WDR70: variants seen among roughly 807,000 people sequenced by gnomAD.
The protein encoded by WDR70 is WD repeat-containing protein 70.
Under a neutral mutation model 88.6 loss-of-function variants are expected in WDR70, and 53 were observed. That is an observed-to-expected ratio of 0.60 (90% CI 0.48 to 0.75). The LOEUF is 0.75. Ranked by LOEUF, WDR70 falls within the 30% of genes least tolerant of loss-of-function variation. WDR70 has a pLI of 0.00. For synonymous variants in WDR70, 280 were observed against 270.0 expected (o/e 1.04, Z -0.36); for missense variants, 610 against 823.2 (o/e 0.74, Z 3.17).
intron 7 of WDR70, among the ~76,000 whole-genome samples, chr5:37,466,777 G>C (rs1561863012): frequency 1.3e-5 from 2 of 149,182 alleles, no homozygotes. Flanking sequence ...TCAAATACTT[G>C]ATGGATACAT....
intron 10 of WDR70, among the ~76,000 whole-genome samples, chr5:37,629,229 A>G (rs991325485): frequency 2.0e-5 from 3 of 152,122 alleles, no homozygotes; most frequent in Admixed American, 2.0e-4. Context: ...TTTACTTATT[A>G]CAATTTGACT....
At chr5:37,668,724 A>G (rs1338772098) in intron 10 of WDR70, among the ~76,000 whole-genome samples, 3 of 152,234 alleles carry the variant, frequency 2.0e-5, no homozygotes, top group African/African-American at 7.2e-5. Flanking sequence ...TGCAGCTTCC[A>G]GCTGGTCATC....
chr5:37,393,317 GGT>G (rs774442742), intron 4 of WDR70, among the ~76,000 whole-genome samples: 12 of 152,198 alleles, frequency 7.9e-5, no homozygotes, highest in Non-Finnish European at 1.2e-4. Context: ...TGGGATTACA[GGT>G]GTGAGTCACC....
At chr5:37,530,773 G>GTTTTTTTTTTTTTTTTTTTTTTTTT (rs57043165) in intron 9 of WDR70, among the ~76,000 whole-genome samples, 1 of 127,948 alleles carries the variant, frequency 7.8e-6, no homozygotes, top group Non-Finnish European at 1.7e-5. Flanking sequence ...TTTATCTTTT[G>GTTTTTTTTTTTTTTTTTTTTTTTTT]TTTTTTTTTT....
chr5:37,381,699 A>G lies in WDR70; in HGVS notation c.175+14A>G. The G allele has an allele frequency of 6.2e-7, 1 of 1,606,250 alleles. No homozygotes were observed. The highest frequency in any genetic ancestry group is 8.5e-7 in the Non-Finnish European group (1 of 1,174,526). On this transcript the variant is annotated intron_variant, in intron 3 of 17. Transcript: ENST00000265107. ...GCAAAACACTGGGTAAGAAGCTCAG[A>G]TATTTGTTCTTTTATTGGTTTAAGT...
chr5:37,621,814 C>T (rs1744512391), intron 10 of WDR70, among the ~76,000 whole-genome samples: 1 of 152,144 alleles, frequency 6.6e-6, no homozygotes, highest in Non-Finnish European at 1.5e-5. Flanking sequence ...ATGCCTATGT[C>T]CTGAATGGTA....
chr5:37,686,896 A>G (rs963363487), intron 10 of WDR70, among the ~76,000 whole-genome samples: 1 of 150,496 alleles, frequency 6.6e-6, no homozygotes, highest in Non-Finnish European at 1.5e-5. Context: ...TAAGAGGCCT[A>G]CGAGATTGTG....
chr5:37,722,704 C>A, intron 14 of WDR70, 151 bp from the exon 15 acceptor site: 1 of 654,234 alleles, frequency 1.5e-6, no homozygotes. Context: ...TCACTGAGAG[C>A]CCATCTGTTG....
At chr5:37,425,994 TTTG>T (rs1750110825) in intron 5 of WDR70, among the ~76,000 whole-genome samples, 1 of 152,176 alleles carries the variant, frequency 6.6e-6, no homozygotes, top group African/African-American at 2.4e-5. Context: ...GAAATATAGG[TTTG>T]TTGTTGAGAG....
chr5:37,469,361 C>CCTCCTA (rs1291855948), intron 7 of WDR70, among the ~76,000 whole-genome samples: 1 of 152,128 alleles, frequency 6.6e-6, no homozygotes, highest in Non-Finnish European at 1.5e-5. Context: ...TTAACTGTGG[C>CCTCCTA]CTCCTACACT....
chr5:37,714,508 T>A (rs1397184207), intron 13 of WDR70, among the ~76,000 whole-genome samples: 1 of 122,196 alleles, frequency 8.2e-6, no homozygotes, highest in Non-Finnish European at 1.9e-5. Flanking sequence ...ATAAGGCTCC[T>A]CTTCTCTAGA....
chr5:37,733,810 T>G (rs1463451261), intron 17 of WDR70, among the ~76,000 whole-genome samples: 1 of 152,034 alleles, frequency 6.6e-6, no homozygotes, highest in African/African-American at 2.4e-5. Flanking sequence ...GAGTTGTCTT[T>G]CTAGTCAACA....
chr5:37,702,848 T>G, intron 12 of WDR70, 101 bp from the exon 13 acceptor site: 3 of 1,226,854 alleles, frequency 2.4e-6, no homozygotes, highest in Non-Finnish European at 3.4e-6. Context: ...AAGCCCTATA[T>G]AGGAGTTACA....
At chr5:37,429,994 A>G (rs1750252939) in intron 5 of WDR70, among the ~76,000 whole-genome samples, 2 of 152,112 alleles carry the variant, frequency 1.3e-5, no homozygotes, top group African/African-American at 2.4e-5. Context: ...ATATCTTTCC[A>G]TTTATTTTAA....
chr5:37,561,307 G>A (rs1453912439), intron 9 of WDR70, among the ~76,000 whole-genome samples: 1 of 152,086 alleles, frequency 6.6e-6, no homozygotes, highest in Admixed American at 6.6e-5. Context: ...AAAATGGACC[G>A]ATCTAACTAA....
At chr5:37,388,544 A>G (rs1748702552) in intron 3 of WDR70, among the ~76,000 whole-genome samples, 1 of 148,930 alleles carries the variant, frequency 6.7e-6, no homozygotes, top group Admixed American at 6.7e-5. Flanking sequence ...GTTCGAGACC[A>G]GCCTGGCCAA....
At position 37,536,392 on chromosome 5, in the gene WDR70, T is replaced by C. The variant is rs576851979; in HGVS notation, c.917+19802T>C. On this transcript the variant is annotated intron_variant, in intron 9 of 17. Coordinates refer to ENST00000265107, the MANE Select transcript of WDR70 (RefSeq NM_018034.4). ...ATAACATTATTAAAATAAAGAAATTTTATTCTACAGGTTGAGTAAATGTTA... is the reference window on the plus strand; with the variant it reads ...ATAACATTATTAAAATAAAGAAATTCTATTCTACAGGTTGAGTAAATGTTA... Among the ~76,000 whole-genome samples, 113 of 152,300 alleles carry C rather than the reference T, an allele frequency of 7.4e-4. No homozygotes were observed. The East Asian group carries it at 0.013, about 18-fold the overall frequency.
chr5:37,576,140 C>A (rs1270632406), intron 9 of WDR70, among the ~76,000 whole-genome samples: 3 of 135,144 alleles, frequency 2.2e-5, no homozygotes, highest in Admixed American at 7.4e-5. Flanking sequence ...CTCCTTCCCC[C>A]CTCCCTCCCT....
chr5:37,701,246 AAG>A lies in WDR70; in HGVS notation c.1277+108_1277+109del, dbSNP rs1747153419. The A allele has an allele frequency of 2.2e-5, 16 of 741,472 alleles. No individual in the cohort carries two copies. The South Asian group carries it at 2.3e-4, about 11-fold the overall frequency. 45.9% of individuals were successfully genotyped at this position (741,472 alleles called of 1,614,324 possible). On this transcript the variant is annotated intron_variant, in intron 12 of 17. Transcript: ENST00000265107. ...CATACGTCTTTTAGATCTTCTGGAA[AAG>A]AGACTTGAGAGAGTGATCAAAATCT...
Sources: allele counts gnomAD v4.1 joint callset (sites outside exome capture counted in the v4.1 genomes callset), GRCh38; gene constraint gnomAD v4.1.1; transcripts MANE v1.5; gene names NCBI Gene and HGNC (gene_info 2026-07-23, HGNC 2026-07-21).